SLC12A8: variants seen among roughly 807,000 people sequenced by gnomAD.
SLC12A8 encodes the protein solute carrier family 12 member 8.
In SLC12A8, 69 loss-of-function variants were observed where a neutral mutation model predicts 75.6. That is an observed-to-expected ratio of 0.91 (90% CI 0.75 to 1.11). SLC12A8 has a LOEUF of 1.11. Among genes scored for constraint, SLC12A8 ranks in the 50% most tolerant of loss-of-function variants. The pLI is 0.00. For synonymous variants in SLC12A8, 365 were observed against 372.8 expected (o/e 0.98, Z 0.24); for missense variants, 877 against 896.7 (o/e 0.98, Z 0.28).
chr3:125,202,028 C>T (rs1935131241), intron 2 of SLC12A8, among the ~76,000 whole-genome samples: 1 of 152,170 alleles, frequency 6.6e-6, no homozygotes, highest in Non-Finnish European at 1.5e-5. Flanking sequence ...CCACCTCAGC[C>T]TCCTGAGTAG....
At chr3:125,106,356 T>TTTTTTTTG (rs567362846) in intron 10 of SLC12A8, among the ~76,000 whole-genome samples, 11 of 151,826 alleles carry the variant, frequency 7.2e-5, no homozygotes, top group African/African-American at 1.2e-4. Context: ...TTTGGGGTTT[T>TTTTTTTTG]TTGTTGTTGT....
chr3:125,127,315 C>G (rs1686858683), intron 6 of SLC12A8, among the ~76,000 whole-genome samples: 1 of 152,188 alleles, frequency 6.6e-6, no homozygotes, highest in Non-Finnish European at 1.5e-5. Flanking sequence ...CTGGGACAGA[C>G]AGTGTCAAAT....
chr3:125,178,341 G>T (rs1934583518), intron 4 of SLC12A8, among the ~76,000 whole-genome samples: 1 of 152,092 alleles, frequency 6.6e-6, no homozygotes, highest in African/African-American at 2.4e-5. Flanking sequence ...AACACACAGG[G>T]GGTCCCATCT....
intron 8 of SLC12A8, among the ~76,000 whole-genome samples, chr3:125,113,983 T>G (rs1235622511): frequency 6.6e-6 from 1 of 152,102 alleles, no homozygotes; most frequent in Non-Finnish European, 1.5e-5. Flanking sequence ...CTGACATAAC[T>G]GGGGAGTGCA....
At chr3:125,128,381 C>T (rs1217902025) in intron 6 of SLC12A8, among the ~76,000 whole-genome samples, 1 of 145,210 alleles carries the variant, frequency 6.9e-6, no homozygotes, top group South Asian at 2.3e-4. Context: ...GGGGTTTCAC[C>T]GTTTTAGCCG....
At chr3:125,181,822 T>C (rs1272538625) in intron 4 of SLC12A8, among the ~76,000 whole-genome samples, 1 of 151,694 alleles carries the variant, frequency 6.6e-6, no homozygotes, top group Non-Finnish European at 1.5e-5. Context: ...GGTAGCCTGA[T>C]TACAAAGAAA....
chr3:125,199,256 T>C (rs1032848357), intron 2 of SLC12A8, among the ~76,000 whole-genome samples: 13 of 152,050 alleles, frequency 8.5e-5, no homozygotes, highest in Admixed American at 7.2e-4. Flanking sequence ...ATAGAGAAAA[T>C]GGTCTAATGA....
chr3:125,168,987 G>A (rs1934350220), intron 5 of SLC12A8, among the ~76,000 whole-genome samples: 2 of 152,192 alleles, frequency 1.3e-5, no homozygotes, highest in African/African-American at 4.8e-5. Flanking sequence ...GCAGGCTCTG[G>A]AGTGGAACCC....
chr3:125,207,165 T>TTCTGA, intron 2 of SLC12A8, among the ~76,000 whole-genome samples: 1 of 152,156 alleles, frequency 6.6e-6, no homozygotes, highest in Admixed American at 6.5e-5. Context: ...GTCACAATGG[T>TTCTGA]TCTGACGGGG....
intron 6 of SLC12A8, among the ~76,000 whole-genome samples, chr3:125,135,293 G>A (rs1215789456): frequency 6.6e-6 from 1 of 152,228 alleles, no homozygotes; most frequent in Non-Finnish European, 1.5e-5. Flanking sequence ...TGGAAAGAGC[G>A]GCTTGTCCTG....
intron 6 of SLC12A8, among the ~76,000 whole-genome samples, chr3:125,125,207 A>G (rs879083366): frequency 2.6e-5 from 4 of 151,036 alleles, no homozygotes; most frequent in Admixed American, 2.6e-4. Flanking sequence ...TGCCCATTTT[A>G]TAATTACTAT....
chr3:125,187,114 TG>T, intron 4 of SLC12A8, 122 bp downstream of exon 4: 1 of 928,340 alleles, frequency 1.1e-6, no homozygotes, highest in Non-Finnish European at 1.7e-6. Flanking sequence ...AGCCCCAACC[TG>T]CTCGTCTGTC....
At chr3:125,104,846 C>T (rs1938985714) in intron 10 of SLC12A8, among the ~76,000 whole-genome samples, 2 of 152,012 alleles carry the variant, frequency 1.3e-5, no homozygotes. Context: ...TTTCTAGTGC[C>T]TGGAATATAA....
intron 5 of SLC12A8, among the ~76,000 whole-genome samples, chr3:125,166,541 C>T (rs763200378): frequency 1.3e-5 from 2 of 152,190 alleles, no homozygotes; most frequent in African/African-American, 2.4e-5. Context: ...CCTCTGCGTC[C>T]GTCTCCCTTA....
chr3:125,116,309 CAATGGTCTCTTCCAGGG>C (rs1193424171), intron 8 of SLC12A8, among the ~76,000 whole-genome samples: 1 of 152,218 alleles, frequency 6.6e-6, no homozygotes, highest in East Asian at 1.9e-4. Context: ...ATAGGCTTTA[CAATGGTCTCTTCCAGGG>C]AATGGTCTCT....
At chr3:125,138,845 A>AACACACACACAC (rs3061221) in intron 5 of SLC12A8, among the ~76,000 whole-genome samples, 77 of 137,836 alleles carry the variant, frequency 5.6e-4, no homozygotes, top group African/African-American at 1.9e-3. Flanking sequence ...CCTTCTACAA[A>AACACACACACAC]ACACACACAC....
intron 5 of SLC12A8, among the ~76,000 whole-genome samples, chr3:125,170,347 T>C (rs1471892031): frequency 6.6e-6 from 1 of 152,240 alleles, no homozygotes; most frequent in East Asian, 1.9e-4. Flanking sequence ...ACATCAGCAA[T>C]ATTTATGATA....
chr3:125,204,460 A>G (rs1296738023), intron 2 of SLC12A8, among the ~76,000 whole-genome samples: 2 of 152,236 alleles, frequency 1.3e-5, no homozygotes, highest in Non-Finnish European at 2.9e-5. Flanking sequence ...TCATTAGGTT[A>G]AGTGAAATTA....
chr3:125,142,049 G>C (rs1031054672), intron 5 of SLC12A8, among the ~76,000 whole-genome samples: 1 of 152,290 alleles, frequency 6.6e-6, no homozygotes, highest in African/African-American at 2.4e-5. Flanking sequence ...GCAAGACCTC[G>C]CACCCGGCCT....
Sources: gnomAD v4.1 joint callset for allele counts (sites outside exome capture counted in the v4.1 genomes callset) on GRCh38, gnomAD v4.1.1 for gene constraint, MANE v1.5 for transcripts, NCBI Gene and HGNC (gene_info 2026-07-23, HGNC 2026-07-21) for gene names.